TTC21B: variants seen among roughly 807,000 people sequenced by gnomAD.
The protein encoded by TTC21B is tetratricopeptide repeat domain 21B.
A neutral mutation model predicts 175.1 loss-of-function variants in TTC21B; 127 were observed. The observed-to-expected ratio is 0.73, with a 90% CI of 0.63 to 0.84. The LOEUF is 0.84. Ranked by LOEUF, TTC21B falls within the 40% of genes least tolerant of loss-of-function variation. TTC21B has a pLI of 0.00. For missense variants in TTC21B, 1,561 were observed against 1,558.3 expected (o/e 1.00, Z -0.03); for synonymous variants, 524 against 524.5 (o/e 1.00, Z 0.01).
rs531571256 is a variant in TTC21B, at chr2:165,913,687, A to G, written c.2139-41T>C. ...ACATTACTTAGCATATTGAACACAG[A>G]TATCTTCTTCCAAAAATAAAATAAA... On this transcript the variant is annotated intron_variant, in intron 15 of 28. Transcript: ENST00000243344. 3.5e-5 allele frequency: 52 copies of G among 1,473,066 alleles called. 1 individual carries two copies. In the South Asian group the frequency reaches 5.7e-4, roughly 16 times the overall value. The allele number at this position is 1,473,066 out of a possible 1,614,324, so 91.2% of individuals were successfully genotyped here. A position where few individuals can be genotyped will look rare whatever the true frequency, so the allele number is the denominator to read the frequency against.
intron 19 of TTC21B, among the ~76,000 whole-genome samples, chr2:165,906,081 C>A (rs1685720166): frequency 6.6e-6 from 1 of 151,754 alleles, no homozygotes; most frequent in Admixed American, 6.6e-5. Context: ...TTTTAAATAA[C>A]CCACCGGTCC....
chr2:165,910,883 T>C (rs555852817), intron 18 of TTC21B, among the ~76,000 whole-genome samples: 49 of 152,168 alleles, frequency 3.2e-4, no homozygotes, highest in South Asian at 6.2e-4. Context: ...CACACACATA[T>C]ATAGAATATA....
chr2:165,915,532 T>C (rs1168658535), intron 14 of TTC21B, 93 bp from the exon 15 acceptor site: 13 of 991,800 alleles, frequency 1.3e-5, no homozygotes, highest in Non-Finnish European at 2.1e-5. Flanking sequence ...AATGAATAAA[T>C]GCTAGTACAT....
chr2:165,936,847 G>A (rs909347152), intron 6 of TTC21B, among the ~76,000 whole-genome samples: 3 of 152,064 alleles, frequency 2.0e-5, no homozygotes, highest in Admixed American at 2.0e-4. Context: ...TTCATTGCTG[G>A]TGGGAACATA....
intron 22 of TTC21B, 110 bp from the exon 23 acceptor site, chr2:165,891,098 A>T: frequency 1.0e-6 from 1 of 959,788 alleles, no homozygotes; most frequent in African/African-American, 1.7e-5. Context: ...GTACATTTTA[A>T]ATATAAATAA....
chr2:165,930,827 C>G (rs1686879952), intron 8 of TTC21B, among the ~76,000 whole-genome samples: 1 of 145,168 alleles, frequency 6.9e-6, no homozygotes, highest in East Asian at 2.0e-4. Context: ...TGTTTTCCCC[C>G]TAAACACTAG....
At chr2:165,941,412 T>C (rs1482489848) in intron 5 of TTC21B, among the ~76,000 whole-genome samples, 2 of 152,166 alleles carry the variant, frequency 1.3e-5, no homozygotes, top group Admixed American at 1.3e-4. Context: ...CTGAAAAACA[T>C]GATTAAAGGA....
At chr2:165,901,598 T>G (rs543422731) in intron 20 of TTC21B, 124 bp downstream of exon 20, 1 of 916,128 alleles carries the variant, frequency 1.1e-6, no homozygotes, top group African/African-American at 1.7e-5. Context: ...GCTGGGATTA[T>G]AGGCATCAGC....
At chr2:165,913,329 T>C (rs1332168442) in intron 16 of TTC21B, among the ~76,000 whole-genome samples, 1 of 152,106 alleles carries the variant, frequency 6.6e-6, no homozygotes, top group Non-Finnish European at 1.5e-5. Flanking sequence ...CCTGGCCTCA[T>C]CTCTATTTCA....
chr2:165,926,950 T>C (rs1443007177), intron 11 of TTC21B, among the ~76,000 whole-genome samples: 1 of 140,946 alleles, frequency 7.1e-6, no homozygotes, highest in East Asian at 2.1e-4. Flanking sequence ...TATTCTTTAA[T>C]AAACTCCCAT....
In TTC21B at chr2:165,919,676, G is replaced by A. The variant is rs548220819; in HGVS notation, c.1517-243C>T. The stretch of plus-strand genomic sequence containing the variant: ...CTAACGAACAAGCCAGGGAAAGCAG[G>A]AAAGGATGAGAGCCAAGCACTGGTG... On this transcript the variant is annotated intron_variant, in intron 12 of 28. Coordinates refer to ENST00000243344, the MANE Select transcript of TTC21B (RefSeq NM_024753.5). 7.2e-5 allele frequency among the ~76,000 whole-genome samples: 11 copies of A among 152,284 alleles called. No homozygotes were observed. In the South Asian group the frequency reaches 2.3e-3, roughly 32 times the overall value.
At chr2:165,894,147 C>T (rs531361365) in intron 22 of TTC21B, among the ~76,000 whole-genome samples, 36 of 152,126 alleles carry the variant, frequency 2.4e-4, no homozygotes, top group Non-Finnish European at 3.7e-4. Flanking sequence ...GGTTAGGATA[C>T]GACAGACTGG....
intron 3 of TTC21B, 49 bp downstream of exon 3, chr2:165,949,345 T>C: frequency 1.4e-6 from 2 of 1,379,494 alleles, no homozygotes; most frequent in Non-Finnish European, 2.1e-6. Flanking sequence ...AAAATAAAAA[T>C]AAACTGAATA....
intron 22 of TTC21B, among the ~76,000 whole-genome samples, chr2:165,891,265 A>C (rs1203998896): frequency 6.6e-6 from 1 of 152,190 alleles, no homozygotes; most frequent in East Asian, 1.9e-4. Context: ...GGGGGACCAA[A>C]ACCTTAGAGA....
At chr2:165,912,736 G>C in intron 16 of TTC21B, 112 bp from the exon 17 acceptor site, 1 of 847,790 alleles carries the variant, frequency 1.2e-6, no homozygotes, top group Non-Finnish European at 2.0e-6. Flanking sequence ...CATAAGACTT[G>C]GCATATATTA....
intron 11 of TTC21B, 129 bp from the exon 12 acceptor site, chr2:165,924,807 T>G (rs1686567496): frequency 2.1e-6 from 2 of 948,090 alleles, no homozygotes; most frequent in Admixed American, 4.9e-5. Flanking sequence ...TGATTTAACT[T>G]ATTTTGTAAT....
At chr2:165,929,476 G>C (rs531644298) in intron 10 of TTC21B, 141 bp from the exon 11 acceptor site, 1 of 926,058 alleles carries the variant, frequency 1.1e-6, no homozygotes, top group Non-Finnish European at 1.7e-6. Flanking sequence ...TAGACTTTTA[G>C]AATCATTCAG....
At chr2:165,893,088 A>T (rs1033162789) in intron 22 of TTC21B, among the ~76,000 whole-genome samples, 6 of 152,204 alleles carry the variant, frequency 3.9e-5, no homozygotes, top group Admixed American at 6.5e-5. Context: ...GACAATTCAA[A>T]TATTGGTCTT....
rs551411661 is a variant in TTC21B at position 165,914,657 on chromosome 2, CTGTG to C, written c.2138+540_2138+543del. ...GTTTGGGGAGAAGAGGAAGAGCAAT[CTGTG>C]TGTGTGTGTGTGTGTGTGTGTGTGT... On this transcript the variant is annotated intron_variant, in intron 15 of 28. Coordinates refer to ENST00000243344, the MANE Select transcript of TTC21B (RefSeq NM_024753.5). Among the ~76,000 whole-genome samples, 284 of 118,172 alleles carry C rather than the reference CTGTG, an allele frequency of 2.4e-3. 3 individuals carry two copies. The highest frequency in any genetic ancestry group is 0.015 in the East Asian group (51 of 3,444). 77.5% of individuals were successfully genotyped at this position (118,172 alleles called of 152,430 possible). A position where few individuals can be genotyped will look rare whatever the true frequency, so the allele number is the denominator to read the frequency against.
Sources: allele counts gnomAD v4.1 joint callset (sites outside exome capture counted in the v4.1 genomes callset), GRCh38; gene constraint gnomAD v4.1.1; transcripts MANE v1.5; gene names NCBI Gene and HGNC (gene_info 2026-07-23, HGNC 2026-07-21).